The following PCLAF variants were observed in gnomAD, a reference collection of about 807,000 sequenced individuals.
PCLAF encodes PCNA-associated factor.
In PCLAF, 12 loss-of-function variants were observed where a neutral mutation model predicts 15.1. That is an observed-to-expected ratio of 0.79 (90% CI 0.51 to 1.29). The LOEUF is 1.29. PCLAF is among the 50% of genes most tolerant of loss of function. PCLAF has a pLI of 0.00. For missense variants in PCLAF, 116 were observed against 130.9 expected (o/e 0.89, Z 0.56); for synonymous variants, 33 against 47.1 (o/e 0.70, Z 1.22).
chr15:64,381,623 G>T, upstream of PCLAF: 1 of 1,057,086 alleles, frequency 9.5e-7, no homozygotes, highest in Non-Finnish European at 1.3e-6. Context: ...CAAAGGCCTA[G>T]GATTCGTAGG....
chr15:64,371,283 C>T (rs1471074587), intron 3 of PCLAF, among the ~76,000 whole-genome samples: 3 of 146,698 alleles, frequency 2.0e-5, no homozygotes, highest in Non-Finnish European at 4.5e-5. Context: ...TTTTTTGAGA[C>T]GAAGTCTCAC....
At chr15:64,387,655 C>T in exon 1 of PCLAF, 1 of 1,413,692 alleles carries the variant, frequency 7.1e-7, no homozygotes, top group South Asian at 1.5e-5. Context: ...ACTGACAGAG[C>T]TCGACTCCGG....
At chr15:64,383,614 GC>G (rs992555253), upstream of PCLAF, among the ~76,000 whole-genome samples, 2 of 152,058 alleles carry the variant, frequency 1.3e-5, no homozygotes, top group African/African-American at 4.8e-5. Flanking sequence ...TGATCTGCCT[GC>G]CTCAGCCTCC....
upstream of PCLAF, among the ~76,000 whole-genome samples, chr15:64,386,195 C>G (rs1899931868): frequency 6.6e-6 from 1 of 151,204 alleles, no homozygotes; most frequent in Non-Finnish European, 1.5e-5. Flanking sequence ...CTTGTACCCA[C>G]AATTAATAAA....
chr15:64,373,243 C>G (rs1899425478), intron 3 of PCLAF: 1 of 153,052 alleles, frequency 6.5e-6, no homozygotes, highest in Admixed American at 6.5e-5. Flanking sequence ...TTTTGATGTT[C>G]TCTTTCTCCT....
intron 1 of PCLAF, among the ~76,000 whole-genome samples, chr15:64,386,815 A>C (rs982580803): frequency 2.6e-5 from 4 of 152,148 alleles, no homozygotes; most frequent in Non-Finnish European, 4.4e-5. Flanking sequence ...CTGCCAATTT[A>C]ATGTGACCAC....
intron 2 of PCLAF, among the ~76,000 whole-genome samples, chr15:64,377,770 T>C (rs1899671086): frequency 7.7e-6 from 1 of 129,622 alleles, no homozygotes; most frequent in Non-Finnish European, 1.6e-5. Context: ...TTTTTTTTTT[T>C]TTTCAAAGTC....
chr15:64,375,690 G>T (rs1899580648), intron 3 of PCLAF, among the ~76,000 whole-genome samples: 1 of 152,118 alleles, frequency 6.6e-6, no homozygotes, highest in African/African-American at 2.4e-5. Flanking sequence ...ACCGCACACA[G>T]CCTGGTTATA....
upstream of PCLAF, among the ~76,000 whole-genome samples, chr15:64,385,208 G>C (rs368709132): frequency 6.6e-6 from 1 of 152,084 alleles, no homozygotes; most frequent in South Asian, 2.1e-4. Context: ...TATTCTGGAG[G>C]ACGTACTTAT....
At chr15:64,371,887 G>A (rs540859635) in intron 3 of PCLAF, among the ~76,000 whole-genome samples, 48 of 151,646 alleles carry the variant, frequency 3.2e-4, no homozygotes, top group Admixed American at 4.0e-4. Context: ...ATTAGCCACC[G>A]CACCTGGCCC....
At chr15:64,366,173 T>G in intron 3 of PCLAF, 98 bp from the exon 4 acceptor site, 2 of 797,932 alleles carry the variant, frequency 2.5e-6, no homozygotes, top group Non-Finnish European at 4.0e-6. Context: ...TAATTAACAG[T>G]GCAGTAGATC....
In PCLAF at chr15:64,374,526, G is replaced by C. The variant is rs1201544985; in HGVS notation, c.290+2217C>G. On this transcript the variant is annotated intron_variant, in intron 3 of 3. Transcript: ENST00000300035. ...TGCACTCCAGCCTGGGCAACAGAGC[G>C]AAACTCCGTCTCAAAAAAAAAAAAA... Among the ~76,000 whole-genome samples, 3 of 148,614 alleles carry C rather than the reference G, an allele frequency of 2.0e-5. No individual in the cohort carries two copies. In the South Asian group the frequency reaches 6.4e-4, roughly 32 times the overall value.
upstream of PCLAF, among the ~76,000 whole-genome samples, chr15:64,385,523 G>GC (rs1240071244): frequency 1.3e-5 from 2 of 152,014 alleles, no homozygotes; most frequent in African/African-American, 4.8e-5. Flanking sequence ...TACTCGGGAA[G>GC]CTAAGGCAGG....
chr15:64,376,789 TC>T lies in PCLAF; in HGVS notation c.243del (p.Ile82PhefsTer10). 1 of 1,613,958 alleles carries T rather than the reference TC, an allele frequency of 6.2e-7. No individual in the cohort carries two copies. The highest frequency in any genetic ancestry group is 8.5e-7 in the Non-Finnish European group (1 of 1,179,876). ...CCACTGCTTCCTGCCTCTTCAGGAA[TC>T]TGATTCTCTTTTTCAGAATCTTTAG... is the stretch of plus-strand genomic sequence containing the variant. ...LSPKDSEKEN[Q>X]IPEEAGSSGL... On this transcript the variant is annotated frameshift_variant, in exon 3 of 4. Coordinates refer to ENST00000300035, the MANE Select transcript of PCLAF (RefSeq NM_014736.6). LOFTEE classifies it high-confidence loss of function.
Position 64,387,580 on chromosome 15 carries a change from C to T in PCLAF, n.108G>A, listed in dbSNP as rs968851250. On this transcript the variant is annotated non_coding_transcript_exon_variant, in exon 1 of 2. Coordinates refer to the PCLAF transcript ENST00000558250. ...TCGTTTTTATAGGCACTTGCACTGT[C>T]TTCTTAGCAGAATTGCCAATGGCCT... 18 of 1,369,422 alleles carry T rather than the reference C, an allele frequency of 1.3e-5. No individual in the cohort carries two copies. The African/African-American group carries it at 2.4e-4, about 18-fold the overall frequency. The allele number at this position is 1,369,422 out of a possible 1,614,324, so 84.8% of individuals were successfully genotyped here. A position where few individuals can be genotyped will look rare whatever the true frequency, so the allele number is the denominator to read the frequency against.
intron 1 of PCLAF, among the ~76,000 whole-genome samples, chr15:64,387,140 G>T (rs1038119208): frequency 2.0e-5 from 3 of 151,970 alleles, no homozygotes; most frequent in African/African-American, 7.3e-5. Context: ...TTAGCGGTGT[G>T]AATCTAGTAG....
At chr15:64,370,606 T>C (rs1274285624) in intron 3 of PCLAF, among the ~76,000 whole-genome samples, 1 of 151,636 alleles carries the variant, frequency 6.6e-6, no homozygotes, top group Non-Finnish European at 1.5e-5. Flanking sequence ...TGACCTTGGG[T>C]GATCCACCTG....
chr15:64,380,705 AAAAAG>A (rs1899785053), intron 2 of PCLAF, among the ~76,000 whole-genome samples: 2 of 152,128 alleles, frequency 1.3e-5, no homozygotes, highest in South Asian at 4.1e-4. Flanking sequence ...CCCTGTCTAA[AAAAAG>A]AAAAGAAAAG....
chr15:64,387,467 C>T (rs1353079863), exon 1 of PCLAF: 10 of 1,272,080 alleles, frequency 7.9e-6, no homozygotes, highest in Admixed American at 2.5e-5. Context: ...ATACCTTCCA[C>T]GTGCTGTTTT....
Sources: gnomAD v4.1 joint callset for allele counts (sites outside exome capture counted in the v4.1 genomes callset) on GRCh38, gnomAD v4.1.1 for gene constraint, MANE v1.5 for transcripts, NCBI Gene and HGNC (gene_info 2026-07-23, HGNC 2026-07-21) for gene names.